The following PRMT3 variants were observed in gnomAD, a reference collection of about 807,000 sequenced individuals.
PRMT3 encodes protein arginine N-methyltransferase 3.
Under a neutral mutation model 71.9 loss-of-function variants are expected in PRMT3, and 62 were observed. The observed-to-expected ratio is 0.86, with a 90% CI of 0.70 to 1.07. PRMT3 has a LOEUF of 1.07. Among genes scored for constraint, PRMT3 ranks in the 50% least tolerant of loss-of-function variants. PRMT3 has a pLI of 0.00. For synonymous variants in PRMT3, 213 were observed against 220.4 expected (o/e 0.97, Z 0.30); for missense variants, 663 against 643.0 (o/e 1.03, Z -0.34).
chr11:20,483,649 C>T (rs1463968504), intron 13 of PRMT3, among the ~76,000 whole-genome samples: 1 of 151,654 alleles, frequency 6.6e-6, no homozygotes, highest in Non-Finnish European at 1.5e-5. Context: ...ACTATGAATA[C>T]AACAAATAAT....
chr11:20,389,312 C>G (rs770878151), intron 2 of PRMT3, among the ~76,000 whole-genome samples: 1 of 152,180 alleles, frequency 6.6e-6, no homozygotes, highest in Non-Finnish European at 1.5e-5. Context: ...TGTAAAATTA[C>G]ATTTTATGCT....
At position 20,493,922 on chromosome 11, in the gene PRMT3, A is replaced by G. The variant is rs1460000461; in HGVS notation, c.1351A>G (p.Ile451Val). Residue 451 changes from isoleucine (I) to valine (V), a missense_variant, in exon 14 of 16, where the codon ATT becomes GTT. Ile to Val is a conservative substitution (Grantham distance 29). Coordinates refer to ENST00000331079, the MANE Select transcript of PRMT3 (RefSeq NM_005788.4). ...TATTTCTTTTTTTAAAAAACAGGCAATTGCTGGCTACTTTGATATATATTT... is the reference window on the plus strand; with the variant it reads ...TATTTCTTTTTTTAAAAAACAGGCAGTTGCTGGCTACTTTGATATATATTT... ...KITRTSMCTA[I>V]AGYFDIYFEK... 1.9e-6 allele frequency: 3 copies of G among 1,581,998 alleles called. No individual in the cohort carries two copies. Among genetic ancestry groups the G allele is most frequent in the Middle Eastern group, 2.0e-4 (1 of 5,122 alleles).
At chr11:20,480,924 G>A (rs1050263747) in intron 13 of PRMT3, among the ~76,000 whole-genome samples, 6 of 152,134 alleles carry the variant, frequency 3.9e-5, no homozygotes, top group African/African-American at 1.4e-4. Flanking sequence ...TCATACCTTT[G>A]AGTTATGTAA....
chr11:20,406,610 G>T (rs1849076577), intron 8 of PRMT3: 1 of 152,122 alleles, frequency 6.6e-6, no homozygotes, highest in African/African-American at 2.4e-5. Flanking sequence ...TATTAACATA[G>T]GTATACAGAT....
chr11:20,495,808 A>T (rs779901478), intron 15 of PRMT3, among the ~76,000 whole-genome samples: 10 of 152,198 alleles, frequency 6.6e-5, no homozygotes, highest in Non-Finnish European at 1.0e-4. Context: ...CAAAAGCTGA[A>T]TGTATAACAA....
In PRMT3 at chr11:20,395,910, C is replaced by T; in HGVS notation, c.508C>T (p.Leu170=). The T allele has an allele frequency of 6.2e-7, 1 of 1,614,142 alleles. No homozygotes were observed. The change falls in exon 6 of 16, where the codon CTG becomes TTG. Residue 170 remains leucine (L), a synonymous_variant. Transcript: ENST00000331079. Reference sequence around the variant, plus strand: ...ATTGAAACATATGGAAGCCAGGGCACTGTCTGCTGAAGCCGCATTGGCCAG... The same window carrying T: ...ATTGAAACATATGGAAGCCAGGGCATTGTCTGCTGAAGCCGCATTGGCCAG... ...EKLKHMEARA[L]SAEAALARAR...
At chr11:20,504,747 C>A (rs866576183) in intron 15 of PRMT3, among the ~76,000 whole-genome samples, 2,382 of 110,510 alleles carry the variant, frequency 0.022, 89 homozygotes, top group African/African-American at 0.078. Context: ...AGAGAGAGAG[C>A]GAGAGCGACT....
At chr11:20,474,749 A>G (rs187921968) in intron 13 of PRMT3, among the ~76,000 whole-genome samples, 1 of 152,334 alleles carries the variant, frequency 6.6e-6, no homozygotes, top group African/African-American at 2.4e-5. Context: ...ATCAGCATTT[A>G]GACAAAAAGT....
chr11:20,474,737 A>G (rs1260951419), intron 13 of PRMT3, among the ~76,000 whole-genome samples: 1 of 152,216 alleles, frequency 6.6e-6, no homozygotes, highest in Non-Finnish European at 1.5e-5. Flanking sequence ...CTGCAAGGAA[A>G]AATCAGCATT....
intron 10 of PRMT3, among the ~76,000 whole-genome samples, chr11:20,428,314 T>C (rs1173530985): frequency 6.6e-6 from 1 of 152,228 alleles, no homozygotes; most frequent in Non-Finnish European, 1.5e-5. Context: ...TATTTTACTC[T>C]TCTTAGAAAA....
At chr11:20,504,684 TTGTATG>T (rs748851777) in intron 15 of PRMT3, among the ~76,000 whole-genome samples, 1 of 121,118 alleles carries the variant, frequency 8.3e-6, no homozygotes, top group South Asian at 2.8e-4. Flanking sequence ...ATCTCAAGTA[TTGTATG>T]TGTGTGTGTG....
intron 10 of PRMT3, among the ~76,000 whole-genome samples, chr11:20,451,609 C>A (rs1013523082): frequency 6.6e-6 from 1 of 152,088 alleles, no homozygotes; most frequent in African/African-American, 2.4e-5. Context: ...CCAGGCCATT[C>A]TTTCTTGTAA....
intron 13 of PRMT3, among the ~76,000 whole-genome samples, chr11:20,472,834 AATCT>A (rs1368637931): frequency 7.8e-6 from 1 of 127,978 alleles, no homozygotes; most frequent in African/African-American, 3.1e-5. Flanking sequence ...TTAAGCTGTG[AATCT>A]ATCTGGTCCT....
chr11:20,441,401 G>T (rs1052348654), intron 10 of PRMT3, among the ~76,000 whole-genome samples: 7 of 151,762 alleles, frequency 4.6e-5, no homozygotes, highest in Middle Eastern at 3.2e-3. Flanking sequence ...CGCCTCCCGG[G>T]TTCACGCCAT....
rs191487574 is a variant in PRMT3, at chr11:20,507,502, G to T, written c.1487-802G>T. Reference sequence around the variant, plus strand: ...AAAAATTAATGAAACAGGGCTGGGCGCAGTGGCTTACGCCTGTAATCCCAG... The same window carrying T: ...AAAAATTAATGAAACAGGGCTGGGCTCAGTGGCTTACGCCTGTAATCCCAG... On this transcript the variant is annotated intron_variant, in intron 15 of 15. Coordinates refer to ENST00000331079, the MANE Select transcript of PRMT3 (RefSeq NM_005788.4). 3.9e-5 allele frequency among the ~76,000 whole-genome samples: 6 copies of T among 152,226 alleles called. No individual in the cohort carries two copies. In the East Asian group the frequency reaches 5.8e-4, roughly 15 times the overall value.
chr11:20,450,570 A>G (rs1170197819), intron 10 of PRMT3, among the ~76,000 whole-genome samples: 3 of 152,142 alleles, frequency 2.0e-5, no homozygotes, highest in Non-Finnish European at 4.4e-5. Flanking sequence ...AATTTTCCTA[A>G]TGTAACATAT....
intron 6 of PRMT3, among the ~76,000 whole-genome samples, 170 bp from the exon 7 acceptor site, chr11:20,397,407 C>T (rs1848849019): frequency 6.6e-6 from 1 of 152,098 alleles, no homozygotes; most frequent in South Asian, 2.1e-4. Flanking sequence ...CTGAATATTG[C>T]CATTGCTTCA....
intron 11 of PRMT3, among the ~76,000 whole-genome samples, chr11:20,461,554 A>G (rs926455967): frequency 6.6e-6 from 1 of 152,198 alleles, no homozygotes; most frequent in Non-Finnish European, 1.5e-5. Flanking sequence ...CTGTATAACT[A>G]TAAAACCCTA....
At chr11:20,419,424 C>T (rs542940129) in intron 9 of PRMT3, among the ~76,000 whole-genome samples, 1 of 152,296 alleles carries the variant, frequency 6.6e-6, no homozygotes, top group African/African-American at 2.4e-5. Context: ...TTTTATGTAA[C>T]GTGAAAGTCT....
Sources: allele counts gnomAD v4.1 joint callset (sites outside exome capture counted in the v4.1 genomes callset), GRCh38; gene constraint gnomAD v4.1.1; transcripts MANE v1.5; gene names NCBI Gene and HGNC (gene_info 2026-07-23, HGNC 2026-07-21).